The following LMTK2 variants were observed in gnomAD, a reference collection of about 807,000 sequenced individuals.
LMTK2 encodes the protein serine/threonine-protein kinase LMTK2.
A neutral mutation model predicts 127.5 loss-of-function variants in LMTK2; 37 were observed. The observed-to-expected ratio is 0.29, with a 90% confidence interval of 0.22 to 0.38. The LOEUF is 0.38. Ranked by LOEUF, LMTK2 falls within the 10% of genes least tolerant of loss-of-function variation. The pLI is 1.00. For synonymous variants in LMTK2, 819 were observed against 810.1 expected (o/e 1.01, Z -0.19); for missense variants, 1,694 against 1,920.3 (o/e 0.88, Z 2.20).
At chr7:98,151,167 G>T (rs573697324) in intron 3 of LMTK2, among the ~76,000 whole-genome samples, 21 of 152,112 alleles carry the variant, frequency 1.4e-4, no homozygotes, top group African/African-American at 4.1e-4. Flanking sequence ...AAAACAATGC[G>T]CAAGGTATTA....
chr7:98,169,773 C>T (rs188089162), intron 6 of LMTK2, among the ~76,000 whole-genome samples: 1 of 151,918 alleles, frequency 6.6e-6, no homozygotes, highest in Non-Finnish European at 1.5e-5. Flanking sequence ...TCCACAGAGC[C>T]TAATCTGAAT....
At chr7:98,172,198 C>T (rs1231920460) in intron 7 of LMTK2, among the ~76,000 whole-genome samples, 3 of 152,228 alleles carry the variant, frequency 2.0e-5, no homozygotes, top group South Asian at 2.1e-4. Flanking sequence ...GATGAGGCCC[C>T]CCGCTCCCGG....
Position 98,194,605 on chromosome 7 carries a change from CAT to C in LMTK2, c.4107+34_4107+35del, listed in dbSNP as rs763317746. ...TTCCCTCTAAATCATTTTCTATACA[CAT>C]CCATATAAGGATTCCAAAATGTGCT... On this transcript the variant is annotated intron_variant, in intron 11 of 13. Transcript: ENST00000297293. The surrounding 1 kb of genome is among the most constrained non-coding windows in gnomAD (Gnocchi z 5.4). 64 of 1,545,800 alleles carry C rather than the reference CAT, an allele frequency of 4.1e-5. No individual in the cohort carries two copies. Among genetic ancestry groups the C allele is most frequent in the African/African-American group, 5.4e-5 (4 of 73,500 alleles).
Position 98,193,161 on chromosome 7 carries a change from G to A in LMTK2, c.2696G>A (p.Ser899Asn), listed in dbSNP as rs758962835. ...ESEETLRLTE[S>N]DSVLADDILA... is the part of the protein sequence containing the mutation. The stretch of plus-strand genomic sequence containing the variant: ...GAGGAGACCCTGCGACTCACCGAAA[G>A]TGACTCTGTTCTTGCTGATGACATC... The change falls in exon 11 of 14, where the codon AGT (serine) becomes AAT (asparagine). Residue 899 changes from serine (S) to asparagine (N), a missense_variant. This residue lies in a region of LMTK2 where 527 missense variants were observed against 539.8 expected (regional missense o/e 0.98). Transcript: ENST00000297293. The surrounding 1 kb of genome is among the most constrained non-coding windows in gnomAD (Gnocchi z 4.1). 2 of 1,613,694 alleles carry A rather than the reference G, an allele frequency of 1.2e-6. No homozygotes were observed. Among genetic ancestry groups the A allele is most frequent in the Non-Finnish European group, 1.7e-6 (2 of 1,180,020 alleles).
At chr7:98,169,873 G>T (rs1258236496) in intron 6 of LMTK2, among the ~76,000 whole-genome samples, 1 of 152,178 alleles carries the variant, frequency 6.6e-6, no homozygotes, top group Non-Finnish European at 1.5e-5. Context: ...CAAAGGAGAA[G>T]GCACCACGTT....
chr7:98,144,159 G>T (rs930017350), intron 3 of LMTK2, among the ~76,000 whole-genome samples: 1 of 151,894 alleles, frequency 6.6e-6, no homozygotes, highest in African/African-American at 2.4e-5. Flanking sequence ...GGCTGGGAGC[G>T]GTGGTTCATG....
At chr7:98,117,585 G>A (rs371395610) in intron 1 of LMTK2, among the ~76,000 whole-genome samples, 3 of 151,990 alleles carry the variant, frequency 2.0e-5, no homozygotes, top group East Asian at 3.9e-4. Flanking sequence ...GAAGCTACAG[G>A]TTCATCTTGT....
chr7:98,133,957 T>C (rs1796562265), intron 1 of LMTK2, among the ~76,000 whole-genome samples: 1 of 152,208 alleles, frequency 6.6e-6, no homozygotes, highest in South Asian at 2.1e-4. Flanking sequence ...AGATCAGCTA[T>C]GTGGAGTTTG....
chr7:98,190,709 C>T lies in LMTK2; in HGVS notation c.999-19C>T. 1.2e-6 allele frequency: 2 copies of T among 1,612,944 alleles called. No individual in the cohort carries two copies. The highest frequency in any genetic ancestry group is 1.7e-6 in the Non-Finnish European group (2 of 1,179,298). ...ACATCTAAAGGGAGAGAGAAACAGC[C>T]ATTTTCTTTTTCCAACAGGTCTCTG... is the stretch of plus-strand genomic sequence containing the variant. On this transcript the variant is annotated intron_variant, in intron 9 of 13. Coordinates refer to ENST00000297293, the MANE Select transcript of LMTK2 (RefSeq NM_014916.4).
intron 1 of LMTK2, among the ~76,000 whole-genome samples, chr7:98,110,746 G>C (rs1035283067): frequency 2.0e-5 from 3 of 152,182 alleles, no homozygotes; most frequent in Admixed American, 6.5e-5. Flanking sequence ...AGGAAACCCA[G>C]TTCTATTGTT....
intron 1 of LMTK2, among the ~76,000 whole-genome samples, chr7:98,136,810 TAACTG>T (rs1438800557): frequency 6.6e-6 from 1 of 152,072 alleles, no homozygotes; most frequent in Non-Finnish European, 1.5e-5. Context: ...TTCCACAAAA[TAACTG>T]ACCAGCACTC....
At chr7:98,110,053 A>G (rs369396763) in intron 1 of LMTK2, among the ~76,000 whole-genome samples, 1 of 152,140 alleles carries the variant, frequency 6.6e-6, no homozygotes, top group Non-Finnish European at 1.5e-5. Flanking sequence ...AGACACTTTC[A>G]AATAAGGATA....
intron 3 of LMTK2, among the ~76,000 whole-genome samples, chr7:98,142,354 T>A (rs1036694706): frequency 6.6e-6 from 1 of 152,122 alleles, no homozygotes; most frequent in Non-Finnish European, 1.5e-5. Context: ...GAACGTGACA[T>A]AGTTGGTGCA....
intron 1 of LMTK2, among the ~76,000 whole-genome samples, chr7:98,134,656 G>GAAA (rs58105358): frequency 8.1e-6 from 1 of 123,830 alleles, no homozygotes; most frequent in Admixed American, 8.0e-5. Flanking sequence ...TCTCTCAATA[G>GAAA]AAAAAAAAAA....
chr7:98,156,254 A>C (rs1796923406), intron 5 of LMTK2, among the ~76,000 whole-genome samples: 1 of 152,212 alleles, frequency 6.6e-6, no homozygotes, highest in African/African-American at 2.4e-5. Context: ...TCACAAGGTC[A>C]GGAGATTGAG....
At chr7:98,167,714 G>A (rs759365425) in intron 6 of LMTK2, among the ~76,000 whole-genome samples, 1 of 152,196 alleles carries the variant, frequency 6.6e-6, no homozygotes, top group Non-Finnish European at 1.5e-5. Context: ...ATGAGGGGCT[G>A]GGCCAGAGAG....
At chr7:98,128,018 C>T (rs1003171891) in intron 1 of LMTK2, among the ~76,000 whole-genome samples, 2 of 152,070 alleles carry the variant, frequency 1.3e-5, no homozygotes, top group African/African-American at 4.8e-5. Flanking sequence ...GTAGCAGGTG[C>T]CTATAATACC....
chr7:98,194,410 G>T lies in LMTK2; in HGVS notation c.3945G>T (p.Glu1315Asp), dbSNP rs1797594555. ...GCTCCGAGTCGGAGGACGAGACCGA[G>T]CACCCCGTGCCCATCATCCTCAGCA... ...SLSSESEDET[E>D]HPVPIILSNE... Residue 1315 changes from glutamate to aspartate, a missense_variant, in exon 11 of 14, where the codon GAG (glutamate) becomes GAT (aspartate). Coordinates refer to ENST00000297293, the MANE Select transcript of LMTK2 (RefSeq NM_014916.4). The surrounding 1 kb of genome is among the most constrained non-coding windows in gnomAD (Gnocchi z 5.4). 6.2e-7 allele frequency: 1 copy of T among 1,614,032 alleles called. No homozygotes were observed. Among genetic ancestry groups the T allele is most frequent in the Non-Finnish European group, 8.5e-7 (1 of 1,180,050 alleles).
chr7:98,157,528 G>A (rs912611625), intron 5 of LMTK2, among the ~76,000 whole-genome samples: 6 of 150,884 alleles, frequency 4.0e-5, no homozygotes, highest in African/African-American at 1.5e-4. Context: ...TTGCATGATT[G>A]TTCATAGCAG....
Sources: allele counts gnomAD v4.1 joint callset (sites outside exome capture counted in the v4.1 genomes callset), GRCh38; gene constraint gnomAD v4.1.1; regional missense constraint gnomAD v4.1.1; non-coding constraint Gnocchi (gnomAD v3.1); transcripts MANE v1.5; gene names NCBI Gene and HGNC (gene_info 2026-07-23, HGNC 2026-07-21).